BMP3: variants seen among roughly 807,000 people sequenced by gnomAD.
BMP3 encodes bone morphogenetic protein 3, also known as bone morphogenetic protein 3 (osteogenic).
In BMP3, 23 loss-of-function variants were observed where a neutral mutation model predicts 38.1. The observed-to-expected ratio is 0.60, with a 90% CI of 0.43 to 0.86. The LOEUF (loss-of-function observed/expected upper bound fraction) is 0.86, where lower values mean the gene tolerates loss of function less well. Among genes scored for constraint, BMP3 ranks in the 40% least tolerant of loss-of-function variants. BMP3 has a pLI of 0.00. For missense variants in BMP3, 628 were observed against 579.6 expected (o/e 1.08, Z -0.86); for synonymous variants, 258 against 225.7 (o/e 1.14, Z -1.28).
At position 81,057,455 on chromosome 4, in the gene BMP3, G is replaced by A. The variant is rs1248774781; in HGVS notation, c.*3919G>A. 1 of 151,980 alleles carries A rather than the reference G, an allele frequency of 6.6e-6. No individual in the cohort carries two copies. The highest frequency in any genetic ancestry group is 1.9e-4 in the East Asian group (1 of 5,192). 9.4% of individuals were successfully genotyped at this position (151,980 alleles called of 1,614,324 possible). A position where few individuals can be genotyped will look rare whatever the true frequency, so the allele number is the denominator to read the frequency against. ...ACTTCACTACCAATGTATAAGCTTTGTTGAATTTGTATCATTTTCTTTCAG... is the reference window on the plus strand; with the variant it reads ...ACTTCACTACCAATGTATAAGCTTTATTGAATTTGTATCATTTTCTTTCAG... On this transcript the variant is annotated 3_prime_UTR_variant, in exon 3 of 3. Transcript: ENST00000282701.
At chr4:81,039,361 G>C (rs1004206446) in intron 1 of BMP3, among the ~76,000 whole-genome samples, 2 of 152,136 alleles carry the variant, frequency 1.3e-5, no homozygotes, top group Non-Finnish European at 1.5e-5. Flanking sequence ...TAGTCTATTT[G>C]TTTTAAAATC....
In BMP3 at chr4:81,046,117, G is replaced by T. The variant is rs1247882089; in HGVS notation, c.696G>T (p.Arg232Ser). 6.2e-7 allele frequency: 1 copy of T among 1,614,006 alleles called. No homozygotes were observed. The highest frequency in any genetic ancestry group is 8.5e-7 in the Non-Finnish European group (1 of 1,180,030). ...TSKGRQLPKR[R>S]LPFPEPYILV... ...AGGGACGCCAGCTGCCAAAGAGGAG[G>T]TTACCTTTTCCAGAGCCTTATATCT... Residue 232 changes from arginine (R) to serine (S), a missense_variant, in exon 2 of 3, where the codon AGG becomes AGT. By Grantham distance (110) the Arg-to-Ser change is moderately radical. Coordinates refer to ENST00000282701, the MANE Select transcript of BMP3 (RefSeq NM_001201.5).
chr4:81,031,864 G>A (rs558090778), intron 1 of BMP3, among the ~76,000 whole-genome samples: 5 of 152,266 alleles, frequency 3.3e-5, no homozygotes, highest in Admixed American at 2.6e-4. Context: ...GGCTGGAGGA[G>A]CTTCGTGGAA....
At position 81,046,485 on chromosome 4, in the gene BMP3, C is replaced by T; in HGVS notation, c.1064C>T (p.Thr355Ile). 6.2e-7 allele frequency: 1 copy of T among 1,613,962 alleles called. No homozygotes were observed. Among genetic ancestry groups the T allele is most frequent in the Non-Finnish European group, 8.5e-7 (1 of 1,179,986 alleles). The change falls in exon 2 of 3, where the codon ACC (threonine) becomes ATC (isoleucine). Residue 355 changes from threonine to isoleucine, a missense_variant. Transcript: ENST00000282701. Reference sequence around the variant, plus strand: ...CAGACGCTCCAATTTGATGAGCAGACCCTGAAAAAGGCAAGGAGAAAGCAG... The same window carrying T: ...CAGACGCTCCAATTTGATGAGCAGATCCTGAAAAAGGCAAGGAGAAAGCAG... ...KSQTLQFDEQ[T>I]LKKARRKQWI...
At position 81,031,550 on chromosome 4, in the gene BMP3, G is replaced by C; in HGVS notation, c.266G>C (p.Arg89Pro). 6.2e-7 allele frequency: 1 copy of C among 1,610,690 alleles called. No individual in the cohort carries two copies. Among genetic ancestry groups the C allele is most frequent in the Non-Finnish European group, 8.5e-7 (1 of 1,178,996 alleles). The change falls in exon 1 of 3, where the codon CGG becomes CCG. Residue 89 changes from arginine (R) to proline (P), a missense_variant. By Grantham distance (103) the Arg-to-Pro change is moderately radical. Transcript: ENST00000282701. ...LEGGSQPWRP[R>P]LLREGNTVRS... ...GGAGGCTCGCAGCCCTGGCGCCCTC[G>C]GCTCCTGCGCGAAGGCAACACGGTT...
chr4:81,043,590 A>ATTTTTTTTTT (rs3038534), intron 1 of BMP3, among the ~76,000 whole-genome samples: 7,356 of 130,180 alleles, frequency 0.057, 372 homozygotes, highest in South Asian at 0.18. Flanking sequence ...GCATACTACA[A>ATTTTTTTTTT]TTTTTTTTTT....
intron 1 of BMP3, among the ~76,000 whole-genome samples, chr4:81,032,730 G>A (rs972345815): frequency 6.6e-6 from 1 of 152,198 alleles, no homozygotes; most frequent in Non-Finnish European, 1.5e-5. Context: ...GAAAACTAAG[G>A]CATTCATCAA....
In BMP3 at chr4:81,053,508, T is replaced by C; in HGVS notation, c.1391T>C (p.Met464Thr). The C allele has an allele frequency of 6.3e-7, 1 of 1,589,634 alleles. No homozygotes were observed. Among genetic ancestry groups the C allele is most frequent in the Non-Finnish European group, 8.6e-7 (1 of 1,169,482 alleles). ...KNVVLKVYPN[M>T]TVESCACR ...GTAGTGCTTAAAGTATACCCTAACA[T>C]GACAGTAGAGTCTTGCGCTTGCAGA... Residue 464 changes from methionine to threonine, a missense_variant, in exon 3 of 3, where the codon ATG (methionine) becomes ACG (threonine). Transcript: ENST00000282701.
chr4:81,039,430 G>A (rs1740009354), intron 1 of BMP3, among the ~76,000 whole-genome samples: 1 of 152,094 alleles, frequency 6.6e-6, no homozygotes, highest in Non-Finnish European at 1.5e-5. Context: ...AACGTTCTGT[G>A]TGGGCCAGCA....
Position 81,031,307 on chromosome 4 carries a change from T to C in BMP3, c.23T>C (p.Leu8Pro), listed in dbSNP as rs773515936. Residue 8 changes from leucine to proline, a missense_variant, in exon 1 of 3, where the codon CTC (leucine) becomes CCC (proline). Coordinates refer to ENST00000282701, the MANE Select transcript of BMP3 (RefSeq NM_001201.5). MAGASRL[L>P]FLWLGCFCVS... The stretch of plus-strand genomic sequence containing the variant: ...GCCATGGCTGGGGCGAGCAGGCTGC[T>C]CTTTCTGTGGCTGGGCTGCTTCTGC... 1 of 1,609,278 alleles carries C rather than the reference T, an allele frequency of 6.2e-7. No homozygotes were observed. The highest frequency in any genetic ancestry group is 2.2e-5 in the East Asian group (1 of 44,700).
In BMP3 at chr4:81,031,374, G is replaced by C. The variant is rs748818425; in HGVS notation, c.90G>C (p.Pro30=). 4.3e-6 allele frequency: 7 copies of C among 1,613,276 alleles called. No individual in the cohort carries two copies. Among genetic ancestry groups the C allele is most frequent in the Admixed American group, 3.3e-5 (2 of 59,972 alleles). ...AQGERPKPPF[P]ELRKAVPGDR... ...GAGAGAGACCGAAGCCACCTTTCCCGGAGCTCCGCAAAGCTGTGCCAGGTG... is the reference window on the plus strand; with the variant it reads ...GAGAGAGACCGAAGCCACCTTTCCCCGAGCTCCGCAAAGCTGTGCCAGGTG... Residue 30 remains proline (P), a synonymous_variant, in exon 1 of 3, where the codon CCG becomes CCC. Transcript: ENST00000282701.
chr4:81,051,927 T>G (rs1301439732), intron 2 of BMP3, among the ~76,000 whole-genome samples: 1 of 152,166 alleles, frequency 6.6e-6, no homozygotes, highest in Admixed American at 6.6e-5. Context: ...AAGTCTGATG[T>G]ATGGATTTTA....
intron 1 of BMP3, among the ~76,000 whole-genome samples, chr4:81,034,504 A>T (rs531922844): frequency 2.4e-4 from 37 of 152,170 alleles, no homozygotes; most frequent in Non-Finnish European, 4.4e-4. Flanking sequence ...TAGGATCATC[A>T]CTTTCTCATG....
At position 81,053,383 on chromosome 4, in the gene BMP3, A is replaced by G. The variant is rs1414678388; in HGVS notation, c.1266A>G (p.Ile422Met). ...CAAATCATGCTACCATCCAGAGTAT[A>G]GTGAGAGCTGTGGGGGTCGTTCCTG... is the stretch of plus-strand genomic sequence containing the variant. ...KPSNHATIQS[I>M]VRAVGVVPGI... The change falls in exon 3 of 3, where the codon ATA (isoleucine) becomes ATG (methionine). Residue 422 changes from isoleucine (I) to methionine (M), a missense_variant. Physicochemically the swap from Ile to Met is conservative, Grantham distance 10. Coordinates refer to ENST00000282701, the MANE Select transcript of BMP3 (RefSeq NM_001201.5). The G allele has an allele frequency of 6.2e-7, 1 of 1,607,384 alleles. No individual in the cohort carries two copies. Among genetic ancestry groups the G allele is most frequent in the East Asian group, 2.2e-5 (1 of 44,620 alleles).
Position 81,055,635 on chromosome 4 carries a change from G to A in BMP3, c.*2099G>A, listed in dbSNP as rs1740533383. On this transcript the variant is annotated 3_prime_UTR_variant, in exon 3 of 3. Transcript: ENST00000282701. ...AGATTTGGTGAAATTCTAAATTTAG[G>A]TTTTTTTCTAGAGCTGTATCAACCA... 1 of 152,022 alleles carries A rather than the reference G, an allele frequency of 6.6e-6. No homozygotes were observed. The highest frequency in any genetic ancestry group is 2.4e-5 in the African/African-American group (1 of 41,388). 9.4% of individuals were successfully genotyped at this position (152,022 alleles called of 1,614,324 possible). A position where few individuals can be genotyped will look rare whatever the true frequency, so the allele number is the denominator to read the frequency against.
rs536959092 is a variant in BMP3 at position 81,047,007 on chromosome 4, T to C, written c.1227+359T>C. 3.3e-5 allele frequency among the ~76,000 whole-genome samples: 5 copies of C among 152,320 alleles called. No homozygotes were observed. The South Asian group carries it at 8.3e-4, about 25-fold the overall frequency. On this transcript the variant is annotated intron_variant, in intron 2 of 2. Transcript: ENST00000282701. ...AAGCAAGCCCCAAATGGTAGAAGGC[T>C]GACCTTGGAAGAGTATTCAAGGAAT...
In BMP3 at chr4:81,031,199, A is replaced by ACGCCCTCGGCT. The variant is rs1560508743; in HGVS notation, c.-85_-84insGCCCTCGGCTC. 10 of 1,406,584 alleles carry ACGCCCTCGGCT rather than the reference A, an allele frequency of 7.1e-6. No homozygotes were observed. In the East Asian group the frequency reaches 2.0e-4, roughly 28 times the overall value. The allele number at this position is 1,406,584 out of a possible 1,614,324, so 87.1% of individuals were successfully genotyped here. A position where few individuals can be genotyped will look rare whatever the true frequency, so the allele number is the denominator to read the frequency against. On this transcript the variant is annotated 5_prime_UTR_variant, in exon 1 of 3. Transcript: ENST00000282701. ...CTCGCCCCAGCTGGTTTGGAGTTCA[A>ACGCCCTCGGCT]CCCTCGGCTCCGCCGCCGGCTCCTT...
chr4:81,048,430 G>A (rs1200696740), intron 2 of BMP3, among the ~76,000 whole-genome samples: 1 of 152,132 alleles, frequency 6.6e-6, no homozygotes, highest in Non-Finnish European at 1.5e-5. Context: ...GTAGCCTGGG[G>A]AAGTAGTTTT....
chr4:81,047,914 C>A (rs553572380), intron 2 of BMP3, among the ~76,000 whole-genome samples: 1 of 123,154 alleles, frequency 8.1e-6, no homozygotes, highest in Admixed American at 1.1e-4. Context: ...GCCTGGGTGA[C>A]AGAGTGAGAC....
Sources: gnomAD v4.1 joint callset for allele counts (sites outside exome capture counted in the v4.1 genomes callset) on GRCh38, gnomAD v4.1.1 for gene constraint, MANE v1.5 for transcripts, NCBI Gene and HGNC (gene_info 2026-07-23, HGNC 2026-07-21) for gene names.